RAD17: variants seen among roughly 807,000 people sequenced by gnomAD.
The protein encoded by RAD17 is cell cycle checkpoint protein RAD17.
A neutral mutation model predicts 81.5 loss-of-function variants in RAD17; 31 were observed. The ratio of observed to expected loss-of-function variants is 0.38; its 90% confidence interval spans 0.29 to 0.51. The LOEUF (loss-of-function observed/expected upper bound fraction) is 0.51, where lower values mean the gene tolerates loss of function less well. Ranked by LOEUF, RAD17 falls within the 20% of genes least tolerant of loss-of-function variation. The probability of loss-of-function intolerance (pLI) is 0.88; values close to 1 mark genes in which losing one functional copy is unlikely to be tolerated. For synonymous variants in RAD17, 261 were observed against 266.2 expected (o/e 0.98, Z 0.19); for missense variants, 681 against 781.2 (o/e 0.87, Z 1.53).
intron 7 of RAD17, among the ~76,000 whole-genome samples, chr5:69,383,904 A>T (rs2150806677): frequency 6.6e-6 from 1 of 152,232 alleles, no homozygotes; most frequent in South Asian, 2.1e-4. Flanking sequence ...GCCTTCAGAG[A>T]GCTTCCCTCA....
intron 7 of RAD17, 93 bp from the exon 8 acceptor site, chr5:69,384,704 G>T: frequency 8.7e-7 from 1 of 1,147,724 alleles, no homozygotes. Flanking sequence ...AGTATTGTGA[G>T]ATGCATCAAG....
At chr5:69,384,485 G>C (rs1460964054) in intron 7 of RAD17, among the ~76,000 whole-genome samples, 2 of 152,024 alleles carry the variant, frequency 1.3e-5, no homozygotes, top group Non-Finnish European at 2.9e-5. Context: ...TGGCTAATTT[G>C]TGTATTTTTT....
chr5:69,411,354 T>G (rs1355842196), intron 18 of RAD17, among the ~76,000 whole-genome samples: 2 of 151,846 alleles, frequency 1.3e-5, no homozygotes. Context: ...GAGGTTGCAG[T>G]GAGCCAAGAT....
intron 15 of RAD17, among the ~76,000 whole-genome samples, chr5:69,394,158 G>A (rs757847740): frequency 2.7e-5 from 4 of 147,494 alleles, no homozygotes; most frequent in Non-Finnish European, 4.5e-5. Flanking sequence ...GGGCTCAAGC[G>A]ATCCTCCAAC....
Position 69,407,562 on chromosome 5 carries a change from GTTTTTTTTTTTTTTTTTTT to G in RAD17, c.1694-2918_1694-2900del, listed in dbSNP as rs550222595. 2.7e-4 allele frequency among the ~76,000 whole-genome samples: 11 copies of G among 40,896 alleles called. No homozygotes were observed. In the Admixed American group the frequency reaches 3.9e-3, roughly 15 times the overall value. The allele number at this position is 40,896 out of a possible 152,430, so 26.8% of individuals were successfully genotyped here. On this transcript the variant is annotated intron_variant, in intron 17 of 18. Transcript: ENST00000354868. Reference sequence around the variant, plus strand: ...CTTCTATATGTCAATCTATGTCCAAGTTTTTTTTTTTTTTTTTTTTTTTTTTTTTTTGGAGACAGAGTCG... The same window carrying G: ...CTTCTATATGTCAATCTATGTCCAAGTTTTTTTTTTTTGGAGACAGAGTCG...
rs12659241 is a variant in RAD17 at position 69,409,022 on chromosome 5, G to A, written c.1694-1471G>A. Among the ~76,000 whole-genome samples, 158 of 152,286 alleles carry A rather than the reference G, an allele frequency of 1.0e-3. 1 individual carries two copies. The East Asian group carries it at 0.026, about 25-fold the overall frequency. On this transcript the variant is annotated intron_variant, in intron 17 of 18. Coordinates refer to ENST00000354868, the MANE Select transcript of RAD17 (RefSeq NM_133338.3). ...ATGTTTAGCTTGTTCTTATTTAAGA[G>A]GAGCTGGTTTCCAGGGTGCCCTTTA...
chr5:69,372,226 G>A lies in RAD17; in HGVS notation c.9+9G>A. ...AGGACGAAATGAATCAGGTAGCTAT[G>A]ACTAAAATTTTTTCCAGTGGTCTTC... On this transcript the variant is annotated intron_variant, in intron 4 of 18. Coordinates refer to ENST00000354868, the MANE Select transcript of RAD17 (RefSeq NM_133338.3). The A allele has an allele frequency of 6.3e-7, 1 of 1,596,250 alleles. No homozygotes were observed. Among genetic ancestry groups the A allele is most frequent in the South Asian group, 1.1e-5 (1 of 90,532 alleles).
chr5:69,377,614 C>CAT (rs372230050), intron 6 of RAD17, among the ~76,000 whole-genome samples: 85 of 3,370 alleles, frequency 0.025, 26 homozygotes, highest in Non-Finnish European at 0.04. Flanking sequence ...TATATGTATA[C>CAT]ATATATATGC....
intron 3 of RAD17, 70 bp from the exon 4 acceptor site, chr5:69,371,964 G>A (rs900432968): frequency 3.5e-6 from 3 of 846,880 alleles, no homozygotes; most frequent in East Asian, 3.2e-5. Context: ...TCCCTAAGTG[G>A]TAGCTCTAAA....
chr5:69,407,605 C>T (rs1200690151), intron 17 of RAD17, among the ~76,000 whole-genome samples: 9 of 114,564 alleles, frequency 7.9e-5, no homozygotes, highest in Non-Finnish European at 1.0e-4. Flanking sequence ...GAGACAGAGT[C>T]GCCCTCTGTT....
intron 12 of RAD17, among the ~76,000 whole-genome samples, chr5:69,390,985 T>C (rs554437327): frequency 6.7e-6 from 1 of 149,462 alleles, no homozygotes; most frequent in African/African-American, 2.5e-5. Context: ...TGGTGGCTCA[T>C]GCCTGTAATC....
chr5:69,375,355 T>G (rs1763269685), intron 6 of RAD17, among the ~76,000 whole-genome samples: 1 of 152,202 alleles, frequency 6.6e-6, no homozygotes, highest in African/African-American at 2.4e-5. Flanking sequence ...CTACTAAATA[T>G]AGCCAAAAAC....
intron 12 of RAD17, among the ~76,000 whole-genome samples, chr5:69,390,920 T>C (rs984299220): frequency 6.7e-6 from 1 of 148,548 alleles, no homozygotes; most frequent in Non-Finnish European, 1.5e-5. Flanking sequence ...GCCACTGTAC[T>C]CCAGCCTGGG....
chr5:69,388,067 T>C (rs1384092439), intron 11 of RAD17, among the ~76,000 whole-genome samples: 1 of 152,052 alleles, frequency 6.6e-6, no homozygotes, highest in Non-Finnish European at 1.5e-5. Context: ...GAACTGCAAA[T>C]TGAGCCATGG....
chr5:69,369,433 G>A (rs1762751762), upstream of RAD17: 2 of 1,608,802 alleles, frequency 1.2e-6, no homozygotes, highest in African/African-American at 1.3e-5. Context: ...GCCTGCCCCA[G>A]CCCAGTCCCT....
At chr5:69,377,437 G>A (rs866174562) in intron 6 of RAD17, among the ~76,000 whole-genome samples, 10 of 25,772 alleles carry the variant, frequency 3.9e-4, no homozygotes, top group South Asian at 2.2e-3. Flanking sequence ...GTGTGTGTGT[G>A]TGTATATATA....
intron 11 of RAD17, 31 bp from the exon 12 acceptor site, chr5:69,389,003 C>CT (rs765252161): frequency 8.0e-5 from 94 of 1,180,824 alleles, no homozygotes; most frequent in East Asian, 3.3e-4. Context: ...TAAGAAAATA[C>CT]TTTTTTTTAA....
intron 15 of RAD17, among the ~76,000 whole-genome samples, chr5:69,394,926 G>A (rs1561261529): frequency 6.6e-6 from 1 of 152,038 alleles, no homozygotes; most frequent in African/African-American, 2.4e-5. Flanking sequence ...TTGTTTGGGT[G>A]TAGTGGTCCC....
rs144935909 is a variant in RAD17 at position 69,397,784 on chromosome 5, T to G, written c.1572+1238T>G. Among the ~76,000 whole-genome samples the G allele has an allele frequency of 2.2e-3, 340 of 152,048 alleles. 3 individuals are homozygous for G. The highest frequency in any genetic ancestry group is 0.017 in the Middle Eastern group (5 of 294). ...ATAAGTTTTAAGTTCAAGAGATATG[T>G]TGTATAACATGGTGACTATTAACAA... is the stretch of plus-strand genomic sequence containing the variant. On this transcript the variant is annotated intron_variant, in intron 16 of 18. Transcript: ENST00000354868.
Sources: gnomAD v4.1 joint callset for allele counts (sites outside exome capture counted in the v4.1 genomes callset) on GRCh38, gnomAD v4.1.1 for gene constraint, MANE v1.5 for transcripts, NCBI Gene and HGNC (gene_info 2026-07-23, HGNC 2026-07-21) for gene names.